The following PLEKHB1 variants were observed in gnomAD, a reference collection of about 807,000 sequenced individuals.
The protein encoded by PLEKHB1 is pleckstrin homology domain containing B1.
Under a neutral mutation model 36.2 loss-of-function variants are expected in PLEKHB1, and 29 were observed. That is an observed-to-expected ratio of 0.80 (90% CI 0.60 to 1.09). PLEKHB1 has a LOEUF of 1.09. Ranked by LOEUF, PLEKHB1 falls within the 50% of genes least tolerant of loss-of-function variation. The pLI, the probability that PLEKHB1 is intolerant of heterozygous loss-of-function variation, is 0.00. For missense variants in PLEKHB1, 330 were observed against 348.2 expected, an observed-to-expected ratio of 0.95 and a Z score of 0.42; for synonymous variants, 138 against 140.0, an observed-to-expected ratio of 0.99 and a Z score of 0.10.
chr11:73,659,375 CA>C (rs1312552312), intron 6 of PLEKHB1, among the ~76,000 whole-genome samples: 1 of 152,070 alleles, frequency 6.6e-6, no homozygotes, highest in Non-Finnish European at 1.5e-5. Flanking sequence ...GAGAGAGATA[CA>C]GGGTGGAATG....
chr11:73,652,350 AC>A (rs1172630791), intron 4 of PLEKHB1: 2 of 175,952 alleles, frequency 1.1e-5, no homozygotes, highest in Non-Finnish European at 2.4e-5. Context: ...ATGCATATCC[AC>A]GTGGCCAGCC....
chr11:73,649,335 C>T lies in PLEKHB1; in HGVS notation c.94+248C>T, dbSNP rs1358845799. Among the ~76,000 whole-genome samples the T allele has an allele frequency of 2.6e-5, 4 of 152,162 alleles. No homozygotes were observed. The East Asian group carries it at 7.7e-4, about 29-fold the overall frequency. On this transcript the variant is annotated intron_variant, in intron 2 of 7. Coordinates refer to ENST00000354190, the MANE Select transcript of PLEKHB1 (RefSeq NM_021200.3). Reference sequence around the variant, plus strand: ...CTTCTCTGGCTTTTCCTCTGGCCCCCACCCCTGCTCCTGCAGTAGCGTCAA... The same window carrying T: ...CTTCTCTGGCTTTTCCTCTGGCCCCTACCCCTGCTCCTGCAGTAGCGTCAA...
At chr11:73,651,465 G>T in intron 3 of PLEKHB1, 1 of 541,894 alleles carries the variant, frequency 1.8e-6, no homozygotes, top group East Asian at 4.5e-5. Flanking sequence ...CTCGGTACTG[G>T]ATGAAGACGA....
At chr11:73,652,099 G>A in intron 4 of PLEKHB1, 2 of 577,526 alleles carry the variant, frequency 3.5e-6, no homozygotes, top group Non-Finnish European at 6.2e-6. Flanking sequence ...GGTCTACAGT[G>A]AACTCAGGAT....
intron 4 of PLEKHB1, chr11:73,652,312 G>A (rs1432714536): frequency 2.7e-5 from 5 of 185,690 alleles, no homozygotes; most frequent in East Asian, 3.2e-4. Flanking sequence ...AGTCAGCTGC[G>A]TCCCAGGCAG....
intron 6 of PLEKHB1, among the ~76,000 whole-genome samples, chr11:73,656,253 C>T (rs1474416): frequency 0.019 from 2,941 of 152,286 alleles, 39 homozygotes; most frequent in South Asian, 0.037. Flanking sequence ...CTCAGCCTAG[C>T]GGCACCAAGG....
chr11:73,655,851 A>G lies in PLEKHB1; in HGVS notation c.439A>G (p.Lys147Glu). 6.2e-7 allele frequency: 1 copy of G among 1,613,780 alleles called. No homozygotes were observed. The highest frequency in any genetic ancestry group is 2.2e-5 in the East Asian group (1 of 44,852). Reference sequence around the variant, plus strand: ...TCCCAGGAGCCGCCGGGTTTGCTCCAAGGTCAGGTGTGTGACCCGCTCGTG... The same window carrying G: ...TCCCAGGAGCCGCCGGGTTTGCTCCGAGGTCAGGTGTGTGACCCGCTCGTG... ...VPPRSRRVCS[K>E]VRCVTRSWSP... The change falls in exon 6 of 8, where the codon AAG becomes GAG. Residue 147 changes from lysine to glutamate, a missense_variant. Transcript: ENST00000354190.
chr11:73,653,930 T>C (rs542447166), intron 5 of PLEKHB1, among the ~76,000 whole-genome samples: 18 of 152,110 alleles, frequency 1.2e-4, no homozygotes, highest in Non-Finnish European at 2.1e-4. Flanking sequence ...TCAGATCAGG[T>C]TCAATTTATA....
At chr11:73,651,364 A>G (rs1944888650) in intron 3 of PLEKHB1, 2 of 445,314 alleles carry the variant, frequency 4.5e-6, no homozygotes, top group South Asian at 1.6e-5. Flanking sequence ...AAAAAAAAAA[A>G]AAAAAAGAAA....
At position 73,660,758 on chromosome 11, in the gene PLEKHB1, C is replaced by T. The variant is rs148740006; in HGVS notation, c.501C>T (p.Arg167=). The stretch of plus-strand genomic sequence containing the variant: ...GACATGGTTGGATTCCCCAGGTGCG[C>T]GTCTACAGCCCGTACCAAGACTACT... The part of the protein sequence containing the change: ...PCKVERRIWV[R]VYSPYQDYYE... The change falls in exon 7 of 8, where the codon CGC becomes CGT. Residue 167 remains arginine, a synonymous_variant. Coordinates refer to ENST00000354190, the MANE Select transcript of PLEKHB1 (RefSeq NM_021200.3). 10 of 1,591,270 alleles carry T rather than the reference C, an allele frequency of 6.3e-6. No homozygotes were observed. Among genetic ancestry groups the T allele is most frequent in the East Asian group, 2.3e-5 (1 of 43,256 alleles).
At chr11:73,650,462 G>A in intron 2 of PLEKHB1, 91 bp from the exon 3 acceptor site, 1 of 1,396,860 alleles carries the variant, frequency 7.2e-7, no homozygotes, top group Non-Finnish European at 9.6e-7. Flanking sequence ...ACTAGGGACT[G>A]AGGCTGAGGG....
Position 73,650,669 on chromosome 11 carries a change from A to G in PLEKHB1, c.211A>G (p.Asn71Asp), listed in dbSNP as rs762914567. ...DEEDRVLIHFNVRDIKIGPEC... is the reference protein window; with the variant it reads ...DEEDRVLIHFDVRDIKIGPEC... Reference sequence around the variant, plus strand: ...GGAGGACCGTGTGCTCATCCACTTCAATGTCCGTGACATAAAGATCGGCCC... The same window carrying G: ...GGAGGACCGTGTGCTCATCCACTTCGATGTCCGTGACATAAAGATCGGCCC... The change falls in exon 3 of 8, where the codon AAT becomes GAT. Residue 71 changes from asparagine (N) to aspartate (D), a missense_variant. Asn to Asp is a conservative substitution (Grantham distance 23, BLOSUM62 1). Transcript: ENST00000354190. The G allele has an allele frequency of 4.8e-5, 78 of 1,610,382 alleles. No individual in the cohort carries two copies. Among genetic ancestry groups the G allele is most frequent in the Non-Finnish European group, 6.5e-5 (76 of 1,178,288 alleles).
chr11:73,647,896 G>A (rs1944800006), intron 1 of PLEKHB1: 1 of 984,588 alleles, frequency 1.0e-6, no homozygotes. Context: ...GCAGCAACAG[G>A]TGTGAGCAGG....
At chr11:73,653,066 A>C in intron 5 of PLEKHB1, 52 bp downstream of exon 5, 1 of 1,546,232 alleles carries the variant, frequency 6.5e-7, no homozygotes, top group East Asian at 2.3e-5. Context: ...GTGCCATGGA[A>C]TCATGAGTGA....
At chr11:73,648,071 GT>G in intron 1 of PLEKHB1, 1 of 770,666 alleles carries the variant, frequency 1.3e-6, no homozygotes, top group Non-Finnish European at 1.6e-6. Context: ...TCCTAACAGG[GT>G]TAGAGTGGGG....
chr11:73,650,793 T>C, intron 3 of PLEKHB1, 88 bp downstream of exon 3: 3 of 1,424,154 alleles, frequency 2.1e-6, no homozygotes, highest in Non-Finnish European at 1.9e-6. Context: ...GGAAGTCTTT[T>C]TGCAGCTTTC....
Position 73,661,435 on chromosome 11 carries a change from G to A in PLEKHB1, c.596-31G>A, listed in dbSNP as rs1404615564. 6.2e-7 allele frequency: 1 copy of A among 1,612,616 alleles called. No individual in the cohort carries two copies. The highest frequency in any genetic ancestry group is 1.7e-5 in the Admixed American group (1 of 59,958). ...AGATCACTCTACTCCCTCCTAAGTC[G>A]CTGATCCTCATGGGCTGTCTCCCTC... On this transcript the variant is annotated intron_variant, in intron 7 of 7. Coordinates refer to ENST00000354190, the MANE Select transcript of PLEKHB1 (RefSeq NM_021200.3). The surrounding 1 kb of genome is among the most constrained non-coding windows in gnomAD (Gnocchi z 4.6).
rs577435951 is a variant in PLEKHB1, at chr11:73,653,854, G to T, written c.390+840G>T. ...GACCAGGTCTTGTGGGCTGTATGAA[G>T]GATGTTGGTTTCTGCTAAGAGCACC... On this transcript the variant is annotated intron_variant, in intron 5 of 7. Transcript: ENST00000354190. Among the ~76,000 whole-genome samples the T allele has an allele frequency of 5.3e-5, 8 of 152,252 alleles. No individual in the cohort carries two copies. The South Asian group carries it at 1.2e-3, about 24-fold the overall frequency.
At chr11:73,660,283 A>C (rs1945078865) in intron 6 of PLEKHB1, 1 of 164,534 alleles carries the variant, frequency 6.1e-6, no homozygotes, top group Non-Finnish European at 1.3e-5. Flanking sequence ...CCTGTTGTTT[A>C]AAAGACGCAT....
Sources: allele counts gnomAD v4.1 joint callset (sites outside exome capture counted in the v4.1 genomes callset), GRCh38; gene constraint gnomAD v4.1.1; non-coding constraint Gnocchi (gnomAD v3.1); transcripts MANE v1.5; gene names NCBI Gene and HGNC (gene_info 2026-07-23, HGNC 2026-07-21).